The following RASA2 variants were observed in gnomAD, a reference collection of about 807,000 sequenced individuals.
RASA2 encodes the protein ras GTPase-activating protein 2.
RASA2 carries 155 observed loss-of-function variants against 118.2 expected under a neutral mutation model. The observed-to-expected ratio is 1.31, with a 90% CI of 1.15 to 1.50. The LOEUF (loss-of-function observed/expected upper bound fraction) is 1.50, where lower values mean the gene tolerates loss of function less well. Ranked by LOEUF, RASA2 falls within the 40% of genes most tolerant of loss-of-function variation. The pLI, the probability that RASA2 is intolerant of heterozygous loss-of-function variation, is 0.00. For synonymous variants in RASA2, 353 were observed against 349.1 expected (o/e 1.01, Z -0.12); for missense variants, 1,016 against 1,009.6 (o/e 1.01, Z -0.09).
At chr3:141,555,758 A>G in intron 6 of RASA2, 82 bp from the exon 7 acceptor site, 1 of 1,188,220 alleles carries the variant, frequency 8.4e-7, no homozygotes, top group Non-Finnish European at 1.2e-6. Flanking sequence ...AATGGAGGTC[A>G]GGCTCCCTGG....
At chr3:141,573,297 GATAA>G in intron 13 of RASA2, 76 bp downstream of exon 13, 2 of 1,429,966 alleles carry the variant, frequency 1.4e-6, no homozygotes, top group Non-Finnish European at 1.8e-6. Flanking sequence ...CTTACATTAT[GATAA>G]AGCCATATAG....
intron 5 of RASA2, among the ~76,000 whole-genome samples, chr3:141,544,806 TAAA>T (rs1477978910): frequency 6.6e-6 from 1 of 152,066 alleles, no homozygotes; most frequent in Non-Finnish European, 1.5e-5. Flanking sequence ...ATACTAGCCG[TAAA>T]AAAGAAAGAG....
At chr3:141,543,431 A>G (rs1370281015) in intron 5 of RASA2, among the ~76,000 whole-genome samples, 2 of 152,116 alleles carry the variant, frequency 1.3e-5, no homozygotes, top group Non-Finnish European at 2.9e-5. Context: ...GCCATCTAAC[A>G]CAGTTGAAAA....
intron 5 of RASA2, among the ~76,000 whole-genome samples, chr3:141,543,094 T>C (rs1041855565): frequency 2.0e-5 from 3 of 152,042 alleles, no homozygotes; most frequent in African/African-American, 4.8e-5. Flanking sequence ...GTTTGTCTCC[T>C]ATTTTATAGT....
At position 141,529,814 on chromosome 3, in the gene RASA2, G is replaced by A. The variant is rs780884229; in HGVS notation, c.450+12G>A. On this transcript the variant is annotated intron_variant, in intron 4 of 23. Transcript: ENST00000286364. ...ATTCAGAGGTTCAGGTAAATATTAA[G>A]GCTTATGTAATACAAGAGATTGTCA... The A allele has an allele frequency of 1.9e-6, 3 of 1,560,570 alleles. No homozygotes were observed. Among genetic ancestry groups the A allele is most frequent in the Non-Finnish European group, 2.6e-6 (3 of 1,136,810 alleles).
At chr3:141,545,665 C>T (rs1560022292) in intron 5 of RASA2, among the ~76,000 whole-genome samples, 1 of 151,842 alleles carries the variant, frequency 6.6e-6, no homozygotes, top group Non-Finnish European at 1.5e-5. Context: ...TCAGGCTGGT[C>T]TCGAACTCTT....
Position 141,597,231 on chromosome 3 carries a change from T to C in RASA2, c.1934-10447T>C, listed in dbSNP as rs201013938. Among the ~76,000 whole-genome samples the C allele has an allele frequency of 3.3e-5, 5 of 152,160 alleles. No individual in the cohort carries two copies. In the East Asian group the frequency reaches 9.7e-4, roughly 29 times the overall value. On this transcript the variant is annotated intron_variant, in intron 19 of 23. Coordinates refer to ENST00000286364, the MANE Select transcript of RASA2 (RefSeq NM_006506.5). ...GCCTGGGCAACATGGTGAAACCCTGTCTCTACAAAAAATAATAATAAAGAA... is the reference window on the plus strand; with the variant it reads ...GCCTGGGCAACATGGTGAAACCCTGCCTCTACAAAAAATAATAATAAAGAA...
chr3:141,582,703 C>G (rs2083134418), intron 17 of RASA2, among the ~76,000 whole-genome samples: 1 of 152,138 alleles, frequency 6.6e-6, no homozygotes, highest in Non-Finnish European at 1.5e-5. Context: ...GTATTTTGCC[C>G]TAATATCCTA....
At position 141,512,285 on chromosome 3, in the gene RASA2, G is replaced by C; in HGVS notation, c.251+5G>C. ...AGTTGTGGAAAAATCTTTAAGGTTG[G>C]TAGAAAAAATTGGTAAATTATAATT... is the stretch of plus-strand genomic sequence containing the variant. On this transcript the variant is annotated splice_donor_5th_base_variant and intron_variant, in intron 2 of 23. Transcript: ENST00000286364. The C allele has an allele frequency of 6.5e-7, 1 of 1,548,444 alleles. No homozygotes were observed. The highest frequency in any genetic ancestry group is 1.2e-5 in the South Asian group (1 of 83,854).
intron 19 of RASA2, among the ~76,000 whole-genome samples, chr3:141,597,222 GA>G (rs2083387552): frequency 6.6e-6 from 1 of 152,122 alleles, no homozygotes; most frequent in African/African-American, 2.4e-5. Flanking sequence ...GCAACATGGT[GA>G]AACCCTGTCT....
At position 141,582,548 on chromosome 3, in the gene RASA2, A is replaced by G. The variant is rs570248436; in HGVS notation, c.1752+1371A>G. On this transcript the variant is annotated intron_variant, in intron 17 of 23. Coordinates refer to ENST00000286364, the MANE Select transcript of RASA2 (RefSeq NM_006506.5). ...TATAATCAGAATGTTTAGAGTTGATAATGTCAGTGGAGAAAGGATTTAAGG... is the reference window on the plus strand; with the variant it reads ...TATAATCAGAATGTTTAGAGTTGATGATGTCAGTGGAGAAAGGATTTAAGG... Among the ~76,000 whole-genome samples the G allele has an allele frequency of 2.0e-4, 31 of 152,256 alleles. No homozygotes were observed. In the South Asian group the frequency reaches 2.3e-3, roughly 11 times the overall value.
chr3:141,509,388 T>C (rs1559996060), intron 1 of RASA2, among the ~76,000 whole-genome samples: 1 of 152,210 alleles, frequency 6.6e-6, no homozygotes, highest in Non-Finnish European at 1.5e-5. Context: ...AAGTAGAATA[T>C]GTGTAAATTT....
chr3:141,612,591 A>G lies in RASA2; in HGVS notation c.*278A>G, dbSNP rs981512544. The G allele has an allele frequency of 6.5e-6, 2 of 306,872 alleles. No individual in the cohort carries two copies. Among genetic ancestry groups the G allele is most frequent in the Non-Finnish European group, 1.2e-5 (2 of 165,018 alleles). The allele number at this position is 306,872 out of a possible 1,614,324, so 19.0% of individuals were successfully genotyped here. On this transcript the variant is annotated 3_prime_UTR_variant, in exon 24 of 24. Coordinates refer to ENST00000286364, the MANE Select transcript of RASA2 (RefSeq NM_006506.5). Reference sequence around the variant, plus strand: ...TTTAATCGAAAGAATCTTCCTAGAAAAGCTTTGTAACAAAGGGAGAACTCC... The same window carrying G: ...TTTAATCGAAAGAATCTTCCTAGAAGAGCTTTGTAACAAAGGGAGAACTCC...
Position 141,573,137 on chromosome 3 carries a change from T to C in RASA2, c.1285-10T>C. 2 of 1,551,772 alleles carry C rather than the reference T, an allele frequency of 1.3e-6. No individual in the cohort carries two copies. Among genetic ancestry groups the C allele is most frequent in the African/African-American group, 2.8e-5 (2 of 70,550 alleles). On this transcript the variant is annotated splice_polypyrimidine_tract_variant and intron_variant, in intron 12 of 23. Coordinates refer to ENST00000286364, the MANE Select transcript of RASA2 (RefSeq NM_006506.5). Reference sequence around the variant, plus strand: ...GAAAAAAATCATTAACTGAAAAATTTATTTTTCAGATATGTGACTCCTCAA... The same window carrying C: ...GAAAAAAATCATTAACTGAAAAATTCATTTTTCAGATATGTGACTCCTCAA...
chr3:141,583,745 A>T (rs573474362), intron 17 of RASA2, among the ~76,000 whole-genome samples: 101 of 152,328 alleles, frequency 6.6e-4, no homozygotes, highest in African/African-American at 2.4e-3. Context: ...CAGTCTTAGG[A>T]GAAAATGGCT....
intron 1 of RASA2, among the ~76,000 whole-genome samples, chr3:141,502,310 G>A (rs1295039402): frequency 2.0e-5 from 3 of 151,968 alleles, no homozygotes; most frequent in Admixed American, 6.6e-5. Context: ...TTACCTTAAT[G>A]TAGGCTCTTC....
chr3:141,494,659 G>A (rs888684804), intron 1 of RASA2, among the ~76,000 whole-genome samples: 12 of 152,098 alleles, frequency 7.9e-5, no homozygotes, highest in Non-Finnish European at 1.3e-4. Flanking sequence ...GAACCACTGC[G>A]CCTGGCCCTA....
At position 141,528,131 on chromosome 3, in the gene RASA2, T is replaced by C. The variant is rs2082209037; in HGVS notation, c.356-1577T>C. Reference sequence around the variant, plus strand: ...TGAACTTTCAATAGGCCTCCTTCGATTGTATTTTTTTAATACAGTTACCAC... The same window carrying C: ...TGAACTTTCAATAGGCCTCCTTCGACTGTATTTTTTTAATACAGTTACCAC... On this transcript the variant is annotated intron_variant, in intron 3 of 23. Transcript: ENST00000286364. Among the ~76,000 whole-genome samples, 2 of 151,928 alleles carry C rather than the reference T, an allele frequency of 1.3e-5. 1 individual carries two copies. Among genetic ancestry groups the C allele is most frequent in the South Asian group, 4.1e-4 (2 of 4,832 alleles).
intron 6 of RASA2, 61 bp downstream of exon 6, chr3:141,554,001 A>G (rs2082611506): frequency 1.3e-6 from 2 of 1,549,368 alleles, no homozygotes. Flanking sequence ...AAAAATTTAA[A>G]AAGTAAGATT....
Sources: allele counts gnomAD v4.1 joint callset (sites outside exome capture counted in the v4.1 genomes callset), GRCh38; gene constraint gnomAD v4.1.1; transcripts MANE v1.5; gene names NCBI Gene and HGNC (gene_info 2026-07-23, HGNC 2026-07-21).